NEB: variants seen among roughly 807,000 people sequenced by gnomAD.
NEB encodes the protein nebulin.
NEB carries 512 observed loss-of-function variants against 952.2 expected under a neutral mutation model. That is an observed-to-expected ratio of 0.54 (90% CI 0.50 to 0.58). The LOEUF (loss-of-function observed/expected upper bound fraction) is 0.58, where lower values mean the gene tolerates loss of function less well. Ranked by LOEUF, NEB falls within the 20% of genes least tolerant of loss-of-function variation. The probability of loss-of-function intolerance (pLI) is 0.00; values close to 1 mark genes in which losing one functional copy is unlikely to be tolerated. For missense variants in NEB, 8,428 were observed against 9,231.1 expected (o/e 0.91, Z 3.56); for synonymous variants, 2,900 against 3,149.8 (o/e 0.92, Z 2.66).
At position 151,692,120 on chromosome 2, in the gene NEB, A is replaced by G; in HGVS notation, c.2045T>C (p.Val682Ala). ...LYVKDVLGHY[V>A]GSMEDPYHTH... ...GTGATATGGGTCCTCCATGCTGCCT[A>G]CATAATGTCCCAAAACATCCTTTAC... is the stretch of plus-strand genomic sequence containing the variant. Residue 682 changes from valine to alanine, a missense_variant, in exon 22 of 182, where the codon GTA becomes GCA. Val to Ala is a moderately conservative substitution (Grantham distance 64, BLOSUM62 0). Coordinates refer to ENST00000397345, the MANE Select transcript of NEB (RefSeq NM_001164508.2). The G allele has an allele frequency of 6.2e-7, 1 of 1,613,976 alleles. No individual in the cohort carries two copies. The highest frequency in any genetic ancestry group is 1.1e-5 in the South Asian group (1 of 91,080).
At position 151,561,216 on chromosome 2, in the gene NEB, C is replaced by A. The variant is rs780019017; in HGVS notation, c.19093G>T (p.Ala6365Ser). The stretch of plus-strand genomic sequence containing the variant: ...AGTACAGGAAGACGCACCTCACTGG[C>A]ATTAATGCCACTCTGAACAGCAGTC... ...YVTAVQSGIN[A>S]SEVKYKENYH... The change falls in exon 122 of 182, where the codon GCC becomes TCC. Residue 6365 changes from alanine to serine, a missense_variant. Physicochemically the swap from Ala to Ser is moderately conservative, Grantham distance 99 (BLOSUM62 1). This residue lies in a region of NEB where 3,374 missense variants were observed against 3,651.5 expected (regional missense o/e 0.92). Transcript: ENST00000397345. 1.2e-6 allele frequency: 2 copies of A among 1,606,416 alleles called. No homozygotes were observed. The highest frequency in any genetic ancestry group is 1.7e-6 in the Non-Finnish European group (2 of 1,175,630).
rs554367263 is a variant in NEB at position 151,668,735 on chromosome 2, T to C, written c.4611+292A>G. 6.6e-5 allele frequency among the ~76,000 whole-genome samples: 10 copies of C among 152,290 alleles called. No homozygotes were observed. In the South Asian group the frequency reaches 1.2e-3, roughly 19 times the overall value. The stretch of plus-strand genomic sequence containing the variant: ...TTCCATACTACAGACTAGGCACTCT[T>C]GTGTTTTCCAATCTTGTCTGTCTCA... On this transcript the variant is annotated intron_variant, in intron 39 of 181. Transcript: ENST00000397345.
chr2:151,614,565 C>A lies in NEB; in HGVS notation c.11312G>T (p.Arg3771Leu), dbSNP rs374486286. 7 of 1,613,402 alleles carry A rather than the reference C, an allele frequency of 4.3e-6. No individual in the cohort carries two copies. The African/African-American group carries it at 9.3e-5, about 22-fold the overall frequency. The change falls in exon 77 of 182, where the codon CGC becomes CTC. Residue 3771 changes from arginine (R) to leucine (L), a missense_variant. By Grantham distance (102) the Arg-to-Leu change is moderately radical. This residue lies in a region of NEB where 1,772 missense variants were observed against 1,960.3 expected (regional missense o/e 0.90). Coordinates refer to ENST00000397345, the MANE Select transcript of NEB (RefSeq NM_001164508.2). ...CCCAATATGGTGGCCAAGCTGTTTG[C>A]GGTAGCCTTCCTTGTACTTGTACTA... is the stretch of plus-strand genomic sequence containing the variant. ...ASDYKYKEGY[R>L]KQLGHHIGAR...
chr2:151,687,296 G>A (rs2099510206), intron 27 of NEB, 123 bp downstream of exon 27: 2 of 804,018 alleles, frequency 2.5e-6, no homozygotes, highest in Admixed American at 2.2e-5. Flanking sequence ...CTCTACAGCA[G>A]TACTTTTGTG....
intron 167 of NEB, 55 bp from the exon 168 acceptor site, chr2:151,501,538 G>GACTT: frequency 9.9e-7 from 1 of 1,014,080 alleles, no homozygotes; most frequent in East Asian, 2.9e-5. Flanking sequence ...TTTTTAGGTA[G>GACTT]ACTTAACCTA....
At chr2:151,551,654 TCAAGAGGAAG>T in intron 129 of NEB, 74 bp downstream of exon 129, 4 of 1,036,934 alleles carry the variant, frequency 3.9e-6, no homozygotes, top group Non-Finnish European at 5.9e-6. Flanking sequence ...CAAGGTCAGG[TCAAGAGGAAG>T]CAAGCTCAGC....
At chr2:151,669,767 G>C (rs2099263463) in intron 38 of NEB, among the ~76,000 whole-genome samples, 1 of 152,120 alleles carries the variant, frequency 6.6e-6, no homozygotes, top group Non-Finnish European at 1.5e-5. Flanking sequence ...TTCCTAAGAG[G>C]TTTTACACAT....
At chr2:151,667,178 T>A (rs1362361718) in intron 40 of NEB, among the ~76,000 whole-genome samples, 1 of 151,820 alleles carries the variant, frequency 6.6e-6, no homozygotes, top group African/African-American at 2.4e-5. Flanking sequence ...TTCCATGGAT[T>A]TTTTTTCTTC....
In NEB at chr2:151,485,587, G is replaced by A. The variant is rs1329544431; in HGVS notation, c.*173C>T. 2 of 529,168 alleles carry A rather than the reference G, an allele frequency of 3.8e-6. No individual in the cohort carries two copies. The highest frequency in any genetic ancestry group is 6.4e-6 in the Non-Finnish European group (2 of 310,562). 32.8% of individuals were successfully genotyped at this position (529,168 alleles called of 1,614,324 possible). Reference sequence around the variant, plus strand: ...TATTGCAGAAGCTTTTAAAGTGTCTGTTCTGCAACTTATTTTAAAACCCAA... The same window carrying A: ...TATTGCAGAAGCTTTTAAAGTGTCTATTCTGCAACTTATTTTAAAACCCAA... On this transcript the variant is annotated 3_prime_UTR_variant, in exon 182 of 182. Coordinates refer to ENST00000397345, the MANE Select transcript of NEB (RefSeq NM_001164508.2).
chr2:151,487,737 T>TA (rs913106310), intron 181 of NEB, among the ~76,000 whole-genome samples: 1 of 152,106 alleles, frequency 6.6e-6, no homozygotes, highest in African/African-American at 2.4e-5. Flanking sequence ...AAATGGCATG[T>TA]GTGTTTAAAC....
At chr2:151,562,235 T>C in intron 120 of NEB, 21 bp from the exon 121 acceptor site, 1 of 1,545,074 alleles carries the variant, frequency 6.5e-7, no homozygotes, top group Non-Finnish European at 9.0e-7. Context: ...GAGAGAACAA[T>C]GAAATGTGGA....
rs758823305 is a variant in NEB at position 151,508,046 on chromosome 2, C to T, written c.23410G>A (p.Glu7804Lys). Residue 7804 changes from glutamate (E) to lysine (K), a missense_variant, in exon 162 of 182, where the codon GAG (glutamate) becomes AAG (lysine). Glu to Lys is a moderately conservative substitution (Grantham distance 56, BLOSUM62 1). This residue lies in a region of NEB where 3,374 missense variants were observed against 3,651.5 expected (regional missense o/e 0.92). Transcript: ENST00000397345. ...TGGTTCTCCCGGACTCTCTGTATCTCTGGGGTGTCCAAAACAGTCTCATAA... is the reference window on the plus strand; with the variant it reads ...TGGTTCTCCCGGACTCTCTGTATCTTTGGGGTGTCCAAAACAGTCTCATAA... ...SYYETVLDTP[E>K]IQRVRENQKN... 7 of 1,611,180 alleles carry T rather than the reference C, an allele frequency of 4.3e-6. No homozygotes were observed. In the East Asian group the frequency reaches 1.6e-4, roughly 36 times the overall value.
In NEB at chr2:151,547,693, T is replaced by C; in HGVS notation, c.20203A>G (p.Thr6735Ala). The change falls in exon 132 of 182, where the codon ACA becomes GCA. Residue 6735 changes from threonine (T) to alanine (A), a missense_variant. Transcript: ENST00000397345. The stretch of plus-strand genomic sequence containing the variant: ...CGGATCTCAGGGGTATCGGGAGTTG[T>C]ATGGATCTTGTCTTTCAGTTTGTGG... ...LYHKLKDKIH[T>A]TPDTPEIRQV... The C allele has an allele frequency of 1.2e-6, 2 of 1,613,732 alleles. No individual in the cohort carries two copies. Among genetic ancestry groups the C allele is most frequent in the Non-Finnish European group, 1.7e-6 (2 of 1,179,806 alleles).
At chr2:151,504,750 G>T (rs1465481489) in intron 165 of NEB, among the ~76,000 whole-genome samples, 4 of 152,158 alleles carry the variant, frequency 2.6e-5, no homozygotes, top group African/African-American at 9.7e-5. Flanking sequence ...AAAGGGGTGG[G>T]TGCAGAGCCA....
rs1578040162 is a variant in NEB, at chr2:151,727,858, C to G, written c.127G>C (p.Glu43Gln). 1 of 1,613,160 alleles carries G rather than the reference C, an allele frequency of 6.2e-7. No homozygotes were observed. Among genetic ancestry groups the G allele is most frequent in the African/African-American group, 1.3e-5 (1 of 75,024 alleles). Residue 43 changes from glutamate to glutamine, a missense_variant, in exon 5 of 182, where the codon GAG becomes CAG. Physicochemically the swap from Glu to Gln is conservative, Grantham distance 29. Around this residue, in one of 11 missense-constraint regions of NEB, gnomAD observed 2,851 missense variants for 2,791.5 expected, o/e 1.02. Transcript: ENST00000397345. The stretch of plus-strand genomic sequence containing the variant: ...GCTGGTTTGGAAGTTTCTGATTGCT[C>G]ATAGTCAGATGTCCTTGTTGTCGTA... ...ETTTTRTSDY[E>Q]QSETSKPALA...
intron 143 of NEB, among the ~76,000 whole-genome samples, chr2:151,532,647 G>T (rs2091904360): frequency 6.6e-6 from 1 of 151,616 alleles, no homozygotes; most frequent in African/African-American, 2.4e-5. Context: ...AAATGAGGAG[G>T]TTAAGCTCTT....
At chr2:151,564,824 A>C (rs1463642464) in intron 117 of NEB, among the ~76,000 whole-genome samples, 1 of 152,206 alleles carries the variant, frequency 6.6e-6, no homozygotes, top group Non-Finnish European at 1.5e-5. Flanking sequence ...ATTGCCTCCT[A>C]AAGAGCCCGG....
intron 74 of NEB, among the ~76,000 whole-genome samples, chr2:151,617,852 A>G (rs1186616980): frequency 6.6e-6 from 1 of 152,038 alleles, no homozygotes; most frequent in African/African-American, 2.4e-5. Flanking sequence ...ACCTGAGCTC[A>G]GGAGTTTGAG....
In NEB at chr2:151,724,880, T is replaced by A; in HGVS notation, c.484A>T (p.Lys162Ter). The change falls in exon 7 of 182, where the codon AAA (lysine) becomes TAA (stop). Residue 162 changes from lysine to a stop codon, truncating the protein, a stop_gained. Transcript: ENST00000397345. LOFTEE classifies it high-confidence loss of function. ...EKAKDIEHAK[K>*]VSQQVSKVLY... The stretch of plus-strand genomic sequence containing the variant: ...ACCTTACTGACTTGCTGCGACACTT[T>A]CTTTGCATGTTCAATATCCTTTGCT... The A allele has an allele frequency of 6.2e-7, 1 of 1,613,752 alleles. No individual in the cohort carries two copies. Among genetic ancestry groups the A allele is most frequent in the Non-Finnish European group, 8.5e-7 (1 of 1,179,778 alleles).
Sources: gnomAD v4.1 joint callset for allele counts (sites outside exome capture counted in the v4.1 genomes callset) on GRCh38, gnomAD v4.1.1 for gene constraint, gnomAD v4.1.1 regional missense constraint, MANE v1.5 for transcripts, NCBI Gene and HGNC (gene_info 2026-07-23, HGNC 2026-07-21) for gene names.